The following RBM45 variants were observed in gnomAD, a reference collection of about 807,000 sequenced individuals.
RBM45 encodes the protein RNA binding motif protein 45.
Under a neutral mutation model 58.5 loss-of-function variants are expected in RBM45, and 39 were observed. That is an observed-to-expected ratio of 0.67 (90% CI 0.52 to 0.87). RBM45 has a LOEUF of 0.87. Ranked by LOEUF, RBM45 falls within the 40% of genes least tolerant of loss-of-function variation. The probability of loss-of-function intolerance (pLI) is 0.00; values close to 1 mark genes in which losing one functional copy is unlikely to be tolerated. For synonymous variants in RBM45, 193 were observed against 203.0 expected, an observed-to-expected ratio of 0.95 and a Z score of 0.42; for missense variants, 481 against 581.6, an observed-to-expected ratio of 0.83 and a Z score of 1.78.
chr2:178,130,077 T>G (rs2087990677), downstream of RBM45, among the ~76,000 whole-genome samples: 1 of 152,178 alleles, frequency 6.6e-6, no homozygotes, highest in Non-Finnish European at 1.5e-5. Flanking sequence ...ATTAAAACTT[T>G]CTGATAATAA....
At chr2:178,118,373 C>T (rs2087805150) in intron 3 of RBM45, among the ~76,000 whole-genome samples, 192 bp downstream of exon 3, 1 of 152,058 alleles carries the variant, frequency 6.6e-6, no homozygotes, top group Admixed American at 6.6e-5. Context: ...GAGGCACTAT[C>T]TTGAAGAAAT....
chr2:178,134,667 T>C (rs1443370119), intron 3 of RBM45, among the ~76,000 whole-genome samples: 2 of 152,124 alleles, frequency 1.3e-5, no homozygotes, highest in African/African-American at 4.8e-5. Flanking sequence ...TATAAAAATA[T>C]GTAATTTCAT....
chr2:178,116,280 C>T lies in RBM45; in HGVS notation c.319C>T (p.Arg107Ter), dbSNP rs2087775680. The T allele has an allele frequency of 3.7e-6, 6 of 1,604,524 alleles. No individual in the cohort carries two copies. The highest frequency in any genetic ancestry group is 1.4e-5 in the African/African-American group (1 of 73,924). Reference sequence around the variant, plus strand: ...TTCTTAGGTTTTCATTGCTCAGTCCCGATCATCTGGAAGTCACCGAGATGT... The same window carrying T: ...TTCTTAGGTTTTCATTGCTCAGTCCTGATCATCTGGAAGTCACCGAGATGT... ...KPIKVFIAQS[R>*]SSGSHRDVED... Residue 107 changes from arginine to a stop codon, truncating the protein, a stop_gained, in exon 2 of 10, where the codon CGA becomes TGA. Transcript: ENST00000286070. LOFTEE classifies it high-confidence loss of function.
chr2:178,126,161 G>T lies in RBM45; in HGVS notation c.1410G>T (p.Arg470=). 1 of 1,613,384 alleles carries T rather than the reference G, an allele frequency of 6.2e-7. No homozygotes were observed. Among genetic ancestry groups the T allele is most frequent in the African/African-American group, 1.3e-5 (1 of 75,020 alleles). The change falls in exon 9 of 10, where the codon CGG becomes CGT. Residue 470 remains arginine (R), a synonymous_variant. Coordinates refer to ENST00000286070, the MANE Select transcript of RBM45 (RefSeq NM_152945.4). ...CGCCAAGAGAAGAATCTAACAAACGGCAAAGAACTTACTGATTCTTGAGGT... is the reference window on the plus strand; with the variant it reads ...CGCCAAGAGAAGAATCTAACAAACGTCAAAGAACTTACTGATTCTTGAGGT... ...ADSPREESNK[R]QRTY
rs1455356697 is a variant in RBM45 at position 178,112,579 on chromosome 2, G to C, written c.33G>C (p.Gly11=). The C allele has an allele frequency of 1.3e-6, 2 of 1,595,418 alleles. No homozygotes were observed. The highest frequency in any genetic ancestry group is 1.7e-6 in the Non-Finnish European group (2 of 1,171,436). ...AAGCTGGCAGCTCTGCGAGCGGCGG[G>C]GGCTTCCGCCCGGGCGTGGACAGCC... MDEAGSSASG[G]GFRPGVDSLD... The change falls in exon 1 of 10, where the codon GGG becomes GGC. Residue 11 remains glycine, a synonymous_variant. Transcript: ENST00000286070.
At chr2:178,135,990 A>G (rs569460096) in intron 3 of RBM45, among the ~76,000 whole-genome samples, 3 of 152,244 alleles carry the variant, frequency 2.0e-5, no homozygotes, top group Non-Finnish European at 2.9e-5. Flanking sequence ...GCTGACTCCA[A>G]TTCTGCATTG....
chr2:178,125,243 A>C (rs543732046), intron 8 of RBM45, among the ~76,000 whole-genome samples: 3 of 152,372 alleles, frequency 2.0e-5, no homozygotes, highest in Admixed American at 1.3e-4. Context: ...TACAAGAGAC[A>C]TGTAAACAAA....
intron 1 of RBM45, among the ~76,000 whole-genome samples, chr2:178,115,177 T>C (rs1419752517): frequency 6.6e-6 from 1 of 152,208 alleles, no homozygotes; most frequent in Admixed American, 6.5e-5. Context: ...GAATGCTTCT[T>C]ATCTAGAGCC....
chr2:178,128,733 C>T (rs1042760509), intron 9 of RBM45, among the ~76,000 whole-genome samples: 1 of 152,170 alleles, frequency 6.6e-6, no homozygotes, highest in African/African-American at 2.4e-5. Flanking sequence ...ATTAGCTACA[C>T]GGTTTTGAAT....
rs757005246 is a variant in RBM45 at position 178,112,693 on chromosome 2, C to T, written c.147C>T (p.Gly49=). 3.1e-6 allele frequency: 5 copies of T among 1,614,100 alleles called. No homozygotes were observed. Among genetic ancestry groups the T allele is most frequent in the South Asian group, 2.2e-5 (2 of 91,092 alleles). The stretch of plus-strand genomic sequence containing the variant: ...TGAGGGAGCGCTTCTCGCCTTTTGG[C>T]GACATCCAGGACATCTGGGTGGTGC... ...SVLRERFSPF[G]DIQDIWVVRD... is the part of the protein sequence containing the mutation. Residue 49 remains glycine, a synonymous_variant, in exon 1 of 10, where the codon GGC becomes GGT. Transcript: ENST00000286070.
chr2:178,115,146 A>G lies in RBM45; in HGVS notation c.301-1116A>G, dbSNP rs185769310. Among the ~76,000 whole-genome samples, 44 of 152,368 alleles carry G rather than the reference A, an allele frequency of 2.9e-4. No individual in the cohort carries two copies. The East Asian group carries it at 7.7e-3, about 27-fold the overall frequency. On this transcript the variant is annotated intron_variant, in intron 1 of 9. Transcript: ENST00000286070. ...GAAACCTAGAAAACAGAAGAAAAAA[A>G]TCTTGGCTGTAGTTTTGCAAGAATG...
At chr2:178,137,520 G>T (rs909134203) in exon 4 of RBM45, 2 of 152,174 alleles carry the variant, frequency 1.3e-5, no homozygotes, top group Non-Finnish European at 2.9e-5. Context: ...GCAAGGAAAT[G>T]AGCTAACTTG....
intron 1 of RBM45, among the ~76,000 whole-genome samples, chr2:178,115,051 C>T (rs181493403): frequency 6.6e-5 from 10 of 152,182 alleles, no homozygotes; most frequent in African/African-American, 2.4e-4. Context: ...ATCTTACCAG[C>T]CCTCAGCCAG....
Position 178,112,510 on chromosome 2 carries a change from A to C in RBM45, c.-37A>C. On this transcript the variant is annotated 5_prime_UTR_variant, in exon 1 of 10. Transcript: ENST00000286070. ...CAGCGGTGGCAGACACCGCAGAAGC[A>C]AAGAGCAGTGAGGCTCCTGCATTCG... is the stretch of plus-strand genomic sequence containing the variant. 6.3e-7 allele frequency: 1 copy of C among 1,579,890 alleles called. No individual in the cohort carries two copies. The highest frequency in any genetic ancestry group is 8.6e-7 in the Non-Finnish European group (1 of 1,157,190).
At chr2:178,124,055 C>A in intron 7 of RBM45, 72 bp from the exon 8 acceptor site, 1 of 1,503,588 alleles carries the variant, frequency 6.7e-7, no homozygotes, top group Non-Finnish European at 9.0e-7. Flanking sequence ...TGATACATAT[C>A]TGTCTTTAGC....
chr2:178,124,983 A>G (rs1429350233), intron 8 of RBM45, among the ~76,000 whole-genome samples: 1 of 152,208 alleles, frequency 6.6e-6, no homozygotes, highest in Non-Finnish European at 1.5e-5. Context: ...TGTTTTTAAC[A>G]TAACTCCTTT....
In RBM45 at chr2:178,126,064, C is replaced by G. The variant is rs773959801; in HGVS notation, c.1313C>G (p.Ala438Gly). 18 of 1,612,794 alleles carry G rather than the reference C, an allele frequency of 1.1e-5. No homozygotes were observed. The Admixed American group carries it at 1.8e-4, about 16-fold the overall frequency. The change falls in exon 9 of 10, where the codon GCT becomes GGT. Residue 438 changes from alanine (A) to glycine (G), a missense_variant. Transcript: ENST00000286070. ...GCCAAGTATGCCGATAGAATAAGTG[C>G]TAATGATGCCATTGCCACTCTACAT... is the stretch of plus-strand genomic sequence containing the variant. Reference protein sequence around the residue: ...GYAKYADRISANDAIATLHGK... With the variant: ...GYAKYADRISGNDAIATLHGK...
chr2:178,120,647 A>G (rs947725273), intron 4 of RBM45, among the ~76,000 whole-genome samples: 3 of 152,138 alleles, frequency 2.0e-5, no homozygotes, highest in Admixed American at 6.5e-5. Flanking sequence ...CGCATTCCTC[A>G]TATTAGAAAC....
downstream of RBM45, among the ~76,000 whole-genome samples, chr2:178,132,683 C>T (rs192094896): frequency 7.2e-5 from 11 of 152,258 alleles, no homozygotes; most frequent in Admixed American, 2.0e-4. Context: ...CTCCACCTCC[C>T]GGGTTCAAGC....
Sources: gnomAD v4.1 joint callset for allele counts (sites outside exome capture counted in the v4.1 genomes callset) on GRCh38, gnomAD v4.1.1 for gene constraint, MANE v1.5 for transcripts, NCBI Gene and HGNC (gene_info 2026-07-23, HGNC 2026-07-21) for gene names.